Variants in WASHC5 observed in about 807,000 individuals in gnomAD.
The protein encoded by WASHC5 is WASH complex subunit strumpellin.
A neutral mutation model predicts 150.4 loss-of-function variants in WASHC5; 101 were observed. The observed-to-expected ratio is 0.67, with a 90% confidence interval of 0.57 to 0.79. The LOEUF (loss-of-function observed/expected upper bound fraction) is 0.79. Among genes scored for constraint, WASHC5 ranks in the 30% least tolerant of loss-of-function variants. WASHC5 has a pLI of 0.00. For synonymous variants in WASHC5, 467 were observed against 491.2 expected (o/e 0.95, Z 0.65); for missense variants, 1,195 against 1,396.3 (o/e 0.86, Z 2.30).
intron 19 of WASHC5, among the ~76,000 whole-genome samples, chr8:125,048,608 C>T (rs746546406): frequency 7.2e-5 from 11 of 152,122 alleles, no homozygotes; most frequent in Non-Finnish European, 1.5e-4. Context: ...AAAATGGTGC[C>T]GTTACCGTGG....
intron 12 of WASHC5, among the ~76,000 whole-genome samples, chr8:125,060,025 T>C (rs1816545345): frequency 1.3e-5 from 2 of 152,220 alleles, no homozygotes; most frequent in South Asian, 4.1e-4. Flanking sequence ...TTGGTAGAAT[T>C]ATTTTACTGT....
chr8:125,049,069 T>C lies in WASHC5; in HGVS notation c.2316A>G (p.Glu772=). ...TGTAATTTATGATACGAGATACTTCTTCCTGCCAAATCTTCAGACCATAAA... is the reference window on the plus strand; with the variant it reads ...TGTAATTTATGATACGAGATACTTCCTCCTGCCAAATCTTCAGACCATAAA... ...VNIYGLKIWQ[E]EVSRIINYNV... The change falls in exon 19 of 29, where the codon GAA becomes GAG. Residue 772 remains glutamate (E), a synonymous_variant. Transcript: ENST00000318410. 1 of 1,614,080 alleles carries C rather than the reference T, an allele frequency of 6.2e-7. No individual in the cohort carries two copies. Among genetic ancestry groups the C allele is most frequent in the Non-Finnish European group, 8.5e-7 (1 of 1,179,922 alleles).
In WASHC5 at chr8:125,083,264, A is replaced by G. The variant is rs200227798; in HGVS notation, c.187-6T>C. The G allele has an allele frequency of 7.4e-5, 119 of 1,605,332 alleles. No homozygotes were observed. Among genetic ancestry groups the G allele is most frequent in the Admixed American group, 6.4e-4 (38 of 59,714 alleles). ...CTTTCCCATAATTCTGGACCCTGAG[A>G]AAAAAAAACACATGTGAAATGTCAA... On this transcript the variant is annotated splice_region_variant and splice_polypyrimidine_tract_variant and intron_variant, in intron 2 of 28. Coordinates refer to ENST00000318410, the MANE Select transcript of WASHC5 (RefSeq NM_014846.4).
intron 27 of WASHC5, among the ~76,000 whole-genome samples, chr8:125,030,454 T>C (rs1404370289): frequency 2.0e-5 from 3 of 152,010 alleles, no homozygotes; most frequent in Admixed American, 6.6e-5. Flanking sequence ...GTTCGATTCA[T>C]TAACTAAGAG....
chr8:125,078,680 G>A (rs1188164544), intron 6 of WASHC5, 58 bp downstream of exon 6: 1 of 1,335,524 alleles, frequency 7.5e-7, no homozygotes, highest in Non-Finnish European at 1.1e-6. Flanking sequence ...AATTAAAGAG[G>A]GAAGTGAAAT....
chr8:125,049,934 T>C (rs931747233), intron 18 of WASHC5, among the ~76,000 whole-genome samples: 31 of 151,902 alleles, frequency 2.0e-4, no homozygotes, highest in Admixed American at 1.7e-3. Context: ...TCCTACTTCA[T>C]CTAGGATGAC....
At chr8:125,070,205 C>T (rs1366334523) in intron 9 of WASHC5, among the ~76,000 whole-genome samples, 1 of 152,236 alleles carries the variant, frequency 6.6e-6, no homozygotes, top group Non-Finnish European at 1.5e-5. Context: ...CCTCCAGCAA[C>T]TCAACAGGAG....
At chr8:125,032,441 C>A (rs766979437) in intron 26 of WASHC5, 47 bp from the exon 27 acceptor site, 2 of 1,604,048 alleles carry the variant, frequency 1.2e-6, no homozygotes, top group South Asian at 1.1e-5. Context: ...TTGCCTTCAG[C>A]AACATTCATT....
rs1432807620 is a variant in WASHC5, at chr8:125,024,601, G to A, written c.*16C>T. The A allele has an allele frequency of 1.3e-6, 2 of 1,583,478 alleles. No individual in the cohort carries two copies. The highest frequency in any genetic ancestry group is 2.2e-5 in the South Asian group (2 of 90,432). On this transcript the variant is annotated 3_prime_UTR_variant, in exon 29 of 29. Coordinates refer to ENST00000318410, the MANE Select transcript of WASHC5 (RefSeq NM_014846.4). ...ATCTAAGGACAATCCTTCCATTGAA[G>A]AAGTAGGAAAAACAGTTACAGCACT... is the stretch of plus-strand genomic sequence containing the variant.
intron 5 of WASHC5, among the ~76,000 whole-genome samples, chr8:125,080,145 T>C (rs149308236): frequency 2.6e-5 from 4 of 152,338 alleles, no homozygotes; most frequent in African/African-American, 9.6e-5. Context: ...AGGATCTCTT[T>C]TGCCACGACT....
At chr8:125,060,240 A>C (rs1192940414) in intron 12 of WASHC5, among the ~76,000 whole-genome samples, 2 of 152,124 alleles carry the variant, frequency 1.3e-5, no homozygotes, top group South Asian at 2.1e-4. Context: ...TAATCCCAGC[A>C]CTCTGAGAGC....
chr8:125,081,129 T>C (rs1204155099), intron 5 of WASHC5, among the ~76,000 whole-genome samples: 1 of 151,926 alleles, frequency 6.6e-6, no homozygotes, highest in African/African-American at 2.4e-5. Context: ...TAATCTATAA[T>C]ATATAGAATA....
intron 4 of WASHC5, among the ~76,000 whole-genome samples, chr8:125,082,170 A>G (rs991800911): frequency 3.3e-5 from 5 of 152,266 alleles, no homozygotes; most frequent in African/African-American, 1.2e-4. Flanking sequence ...GAGGAGGCTC[A>G]TAACTTCCAC....
At chr8:125,060,296 G>A (rs1429226832) in intron 12 of WASHC5, among the ~76,000 whole-genome samples, 1 of 152,116 alleles carries the variant, frequency 6.6e-6, no homozygotes, top group African/African-American at 2.4e-5. Flanking sequence ...AGACCAACCT[G>A]GCTAACATGG....
chr8:125,067,474 A>G (rs1816776300), intron 10 of WASHC5, 118 bp downstream of exon 10: 6 of 864,842 alleles, frequency 6.9e-6, no homozygotes, highest in Non-Finnish European at 1.1e-5. Context: ...CTATCTCAAC[A>G]GCTCAAATCT....
At position 125,078,799 on chromosome 8, in the gene WASHC5, A is replaced by G; in HGVS notation, c.650T>C (p.Ile217Thr). Reference protein sequence around the residue: ...YPESYFQRVPINESFISMVIG... With the variant: ...YPESYFQRVPTNESFISMVIG... ...GACCATACTGATGAAGGATTCGTTGATAGGCACTCTCTGGAAATAGCTCTC... is the reference window on the plus strand; with the variant it reads ...GACCATACTGATGAAGGATTCGTTGGTAGGCACTCTCTGGAAATAGCTCTC... The change falls in exon 6 of 29, where the codon ATC becomes ACC. Residue 217 changes from isoleucine to threonine, a missense_variant. Ile to Thr is a moderately conservative substitution (Grantham distance 89). Transcript: ENST00000318410. 6.2e-7 allele frequency: 1 copy of G among 1,614,046 alleles called. No individual in the cohort carries two copies. Among genetic ancestry groups the G allele is most frequent in the Non-Finnish European group, 8.5e-7 (1 of 1,179,938 alleles).
At chr8:125,048,922 G>C (rs533207844) in intron 19 of WASHC5, 84 bp downstream of exon 19, 7 of 1,139,026 alleles carry the variant, frequency 6.1e-6, no homozygotes, top group Non-Finnish European at 8.7e-6. Context: ...AAACTTTCTT[G>C]TTGACATTTC....
intron 15 of WASHC5, 150 bp downstream of exon 15, chr8:125,057,406 A>T (rs1242409985): frequency 1.5e-6 from 1 of 666,610 alleles, no homozygotes; most frequent in Admixed American, 2.3e-5. Flanking sequence ...AATAAGGGTA[A>T]GTTTATTTTT....
At chr8:125,065,295 G>C (rs141909133) in intron 10 of WASHC5, among the ~76,000 whole-genome samples, 1 of 152,268 alleles carries the variant, frequency 6.6e-6, no homozygotes, top group Non-Finnish European at 1.5e-5. Flanking sequence ...AAATTCAAAT[G>C]TATCATTTCT....
Sources: allele counts gnomAD v4.1 joint callset (sites outside exome capture counted in the v4.1 genomes callset), GRCh38; gene constraint gnomAD v4.1.1; transcripts MANE v1.5; gene names NCBI Gene and HGNC (gene_info 2026-07-23, HGNC 2026-07-21).